Variants in CEP43 observed in about 807,000 individuals in gnomAD.
CEP43 encodes FGFR1 oncogene partner.
A neutral mutation model predicts 52.6 loss-of-function variants in CEP43; 36 were observed. The observed-to-expected ratio is 0.68, with a 90% CI of 0.52 to 0.90. CEP43 has a LOEUF of 0.90. CEP43 is among the 40% of genes least tolerant of loss of function. The pLI is 0.00. For synonymous variants in CEP43, 192 were observed against 172.4 expected (o/e 1.11, Z -0.89); for missense variants, 506 against 472.8 (o/e 1.07, Z -0.65).
chr6:167,000,995 T>G (rs1158929331), intron 2 of CEP43, among the ~76,000 whole-genome samples: 1 of 152,248 alleles, frequency 6.6e-6, no homozygotes, highest in Non-Finnish European at 1.5e-5. Context: ...GGTTAGGTCC[T>G]GAGCAGGCCC....
chr6:167,034,710 AAGTC>A (rs1780548020), intron 12 of CEP43, among the ~76,000 whole-genome samples: 1 of 152,226 alleles, frequency 6.6e-6, no homozygotes, highest in Non-Finnish European at 1.5e-5. Flanking sequence ...CACACAATCT[AAGTC>A]AGCAGCATCC....
At chr6:167,019,522 CATAGTT>C (rs1438181801) in intron 7 of CEP43, among the ~76,000 whole-genome samples, 1 of 152,032 alleles carries the variant, frequency 6.6e-6, no homozygotes, top group Non-Finnish European at 1.5e-5. Flanking sequence ...AAAAATGAGC[CATAGTT>C]ATAAAGTAGT....
chr6:167,011,063 T>A (rs73026224), intron 6 of CEP43, among the ~76,000 whole-genome samples, 170 bp downstream of exon 6: 3,085 of 152,142 alleles, frequency 0.02, 51 homozygotes, highest in East Asian at 0.092. Flanking sequence ...AAAAAAAAAG[T>A]TTTGCTTTGT....
intron 5 of CEP43, among the ~76,000 whole-genome samples, chr6:167,007,839 CCTTT>C (rs1779889702): frequency 6.6e-6 from 1 of 152,306 alleles, no homozygotes; most frequent in Non-Finnish European, 1.5e-5. Flanking sequence ...TAATTAAAGC[CCTTT>C]CTTGTTTTCT....
chr6:167,032,549 TA>T (rs1780491117), intron 10 of CEP43, 53 bp from the exon 11 acceptor site: 1 of 1,465,540 alleles, frequency 6.8e-7, no homozygotes, highest in Admixed American at 2.2e-5. Flanking sequence ...TGTTTAATGG[TA>T]GGTAAATTGT....
Position 167,050,666 on chromosome 6 carries a change from A to G in CEP43, c.*10688A>G, listed in dbSNP as rs1299389278. ...GCAGTGCGTGCCCGCCTATAGTCCC[A>G]TCTACTTGGGAGGCTGAGGCAGGGG... is the stretch of plus-strand genomic sequence containing the variant. On this transcript the variant is annotated 3_prime_UTR_variant, in exon 13 of 13. Coordinates refer to ENST00000366847, the MANE Select transcript of CEP43 (RefSeq NM_007045.4). 1 of 151,674 alleles carries G rather than the reference A, an allele frequency of 6.6e-6. No individual in the cohort carries two copies. The highest frequency in any genetic ancestry group is 2.4e-5 in the African/African-American group (1 of 41,206). The allele number at this position is 151,674 out of a possible 1,614,324, so 9.4% of individuals were successfully genotyped here.
At chr6:167,030,116 G>A (rs1396645721) in intron 10 of CEP43, among the ~76,000 whole-genome samples, 1 of 152,236 alleles carries the variant, frequency 6.6e-6, no homozygotes, top group African/African-American at 2.4e-5. Flanking sequence ...GGACACTGGG[G>A]ATATGATGGC....
intron 8 of CEP43, among the ~76,000 whole-genome samples, chr6:167,023,380 T>C (rs1290456538): frequency 6.6e-6 from 1 of 152,062 alleles, no homozygotes; most frequent in Non-Finnish European, 1.5e-5. Flanking sequence ...TAGAGAAAAG[T>C]AATATACAGA....
Position 167,003,831 on chromosome 6 carries a change from C to T in CEP43, c.300+20C>T, listed in dbSNP as rs1367674608. On this transcript the variant is annotated intron_variant, in intron 4 of 12. Coordinates refer to ENST00000366847, the MANE Select transcript of CEP43 (RefSeq NM_007045.4). Reference sequence around the variant, plus strand: ...AGCACAGTAAGAATAATGATTTTTACATCTATCTTTTGAAACCTTTGATAC... The same window carrying T: ...AGCACAGTAAGAATAATGATTTTTATATCTATCTTTTGAAACCTTTGATAC... 1.4e-6 allele frequency: 2 copies of T among 1,453,170 alleles called. No individual in the cohort carries two copies. Among genetic ancestry groups the T allele is most frequent in the African/African-American group, 1.4e-5 (1 of 71,722 alleles). The allele number at this position is 1,453,170 out of a possible 1,614,324, so 90.0% of individuals were successfully genotyped here.
intron 12 of CEP43, chr6:167,036,448 G>A (rs926669410): frequency 3.5e-5 from 34 of 985,284 alleles, no homozygotes; most frequent in Non-Finnish European, 4.0e-5. Context: ...GTCTCTGCAC[G>A]GGAGCCAGCA....
At chr6:167,039,757 T>C (rs151604) in intron 12 of CEP43, 147 bp from the exon 13 acceptor site, 708,851 of 786,112 alleles carry the variant, frequency 0.9, 320,249 homozygotes, top group East Asian at 1. Flanking sequence ...ACATCTTCAC[T>C]GACATTTATA....
chr6:167,048,530 G>C lies in CEP43; in HGVS notation c.*8552G>C, dbSNP rs889965120. 2.6e-5 allele frequency: 4 copies of C among 152,152 alleles called. No individual in the cohort carries two copies. Among genetic ancestry groups the C allele is most frequent in the Non-Finnish European group, 5.9e-5 (4 of 68,042 alleles). The allele number at this position is 152,152 out of a possible 1,614,324, so 9.4% of individuals were successfully genotyped here. A position where few individuals can be genotyped will look rare whatever the true frequency, so the allele number is the denominator to read the frequency against. On this transcript the variant is annotated 3_prime_UTR_variant, in exon 13 of 13. Transcript: ENST00000366847. ...CACTACAGCCTGGGTGACAGAGTAAGACCCTATCTCAAAAAAAAGAACTAA... is the reference window on the plus strand; with the variant it reads ...CACTACAGCCTGGGTGACAGAGTAACACCCTATCTCAAAAAAAAGAACTAA...
At position 167,044,735 on chromosome 6, in the gene CEP43, G is replaced by A. The variant is rs1188341786; in HGVS notation, c.*4757G>A. 1.6e-5 allele frequency: 3 copies of A among 183,694 alleles called. No individual in the cohort carries two copies. The highest frequency in any genetic ancestry group is 2.4e-5 in the African/African-American group (1 of 42,052). 11.4% of individuals were successfully genotyped at this position (183,694 alleles called of 1,614,324 possible). On this transcript the variant is annotated 3_prime_UTR_variant, in exon 13 of 13. Coordinates refer to ENST00000366847, the MANE Select transcript of CEP43 (RefSeq NM_007045.4). ...GCGTTGTGGCCCTGCCTGCAGAAAC[G>A]TGTGCTCTGCTACAGCCCTGGGAGG... is the stretch of plus-strand genomic sequence containing the variant.
intron 5 of CEP43, among the ~76,000 whole-genome samples, chr6:167,006,607 A>T (rs758329523): frequency 2.1e-4 from 32 of 152,256 alleles, no homozygotes; most frequent in Non-Finnish European, 4.0e-4. Context: ...TGTATTAGAT[A>T]TAAGTTAGAC....
intron 12 of CEP43, 52 bp from the exon 13 acceptor site, chr6:167,039,852 A>T: frequency 6.3e-7 from 1 of 1,596,940 alleles, no homozygotes; most frequent in Non-Finnish European, 8.6e-7. Context: ...AAATAACTTA[A>T]GACTACTCAC....
At chr6:167,022,268 A>G (rs1449095266) in intron 7 of CEP43, 141 bp from the exon 8 acceptor site, 9 of 607,386 alleles carry the variant, frequency 1.5e-5, no homozygotes, top group Non-Finnish European at 5.7e-6. Flanking sequence ...CAACACACAC[A>G]CACACACACA....
Position 167,048,336 on chromosome 6 carries a change from C to T in CEP43, c.*8358C>T, listed in dbSNP as rs1017276161. 2 of 152,238 alleles carry T rather than the reference C, an allele frequency of 1.3e-5. No homozygotes were observed. Among genetic ancestry groups the T allele is most frequent in the Admixed American group, 6.5e-5 (1 of 15,284 alleles). 9.4% of individuals were successfully genotyped at this position (152,238 alleles called of 1,614,324 possible). A position where few individuals can be genotyped will look rare whatever the true frequency, so the allele number is the denominator to read the frequency against. On this transcript the variant is annotated 3_prime_UTR_variant, in exon 13 of 13. Transcript: ENST00000366847. ...TTGAGCTCAGGAGTTTGAGACCATTCTGGGCAATACGGTGAAACCCTGTCT... is the reference window on the plus strand; with the variant it reads ...TTGAGCTCAGGAGTTTGAGACCATTTTGGGCAATACGGTGAAACCCTGTCT...
intron 7 of CEP43, among the ~76,000 whole-genome samples, chr6:167,020,686 A>G (rs933379094): frequency 6.6e-6 from 1 of 152,300 alleles, no homozygotes; most frequent in African/African-American, 2.4e-5. Flanking sequence ...AGGCGGGTGG[A>G]TCACTTGAGG....
chr6:167,015,667 G>T (rs576297163), intron 7 of CEP43, among the ~76,000 whole-genome samples: 1 of 152,132 alleles, frequency 6.6e-6, no homozygotes, highest in Non-Finnish European at 1.5e-5. Context: ...GCATGTGTCC[G>T]GTTGCTTTCG....
Sources: gnomAD v4.1 joint callset for allele counts (sites outside exome capture counted in the v4.1 genomes callset) on GRCh38, gnomAD v4.1.1 for gene constraint, MANE v1.5 for transcripts, NCBI Gene and HGNC (gene_info 2026-07-23, HGNC 2026-07-21) for gene names.